The following SLC24A3 variants were observed in gnomAD, a reference collection of about 807,000 sequenced individuals.
The protein encoded by SLC24A3 is solute carrier family 24 member 3.
SLC24A3 carries 28 observed loss-of-function variants against 75.8 expected under a neutral mutation model. The ratio of observed to expected loss-of-function variants is 0.37; its 90% CI spans 0.27 to 0.51. The LOEUF (loss-of-function observed/expected upper bound fraction) is 0.51, where lower values mean the gene tolerates loss of function less well. Ranked by LOEUF, SLC24A3 falls within the 20% of genes least tolerant of loss-of-function variation. The probability of loss-of-function intolerance (pLI) is 0.94; values close to 1 mark genes in which losing one functional copy is unlikely to be tolerated. For synonymous variants in SLC24A3, 372 were observed against 334.1 expected (o/e 1.11, Z -1.24); for missense variants, 663 against 847.8 (o/e 0.78, Z 2.71).
At chr20:19,715,459 C>T (rs2033034949) in intron 15 of SLC24A3, among the ~76,000 whole-genome samples, 1 of 152,136 alleles carries the variant, frequency 6.6e-6, no homozygotes, top group South Asian at 2.1e-4. Context: ...TTCCTTTATT[C>T]TCGGGAAGGC....
intron 3 of SLC24A3, among the ~76,000 whole-genome samples, chr20:19,564,614 A>T (rs537629385): frequency 3.9e-5 from 6 of 152,152 alleles, no homozygotes; most frequent in African/African-American, 1.4e-4. Context: ...TTATACATCC[A>T]AGTAGCATGG....
chr20:19,619,269 TC>T (rs2031774986), intron 6 of SLC24A3, among the ~76,000 whole-genome samples: 1 of 152,106 alleles, frequency 6.6e-6, no homozygotes, highest in Non-Finnish European at 1.5e-5. Context: ...GGGACATTGA[TC>T]TTTGGAGCTG....
chr20:19,663,274 T>C (rs2032350943), intron 7 of SLC24A3, among the ~76,000 whole-genome samples: 1 of 151,368 alleles, frequency 6.6e-6, no homozygotes, highest in African/African-American at 2.4e-5. Context: ...GTCCCTTTTG[T>C]TCATTTCATT....
At chr20:19,656,387 C>A (rs895741752) in intron 7 of SLC24A3, among the ~76,000 whole-genome samples, 3 of 151,788 alleles carry the variant, frequency 2.0e-5, no homozygotes, top group African/African-American at 7.3e-5. Flanking sequence ...CAGAGAGGTT[C>A]ATGCTGGAAC....
At chr20:19,623,558 T>C (rs1246906142) in intron 6 of SLC24A3, among the ~76,000 whole-genome samples, 1 of 152,212 alleles carries the variant, frequency 6.6e-6, no homozygotes, top group Non-Finnish European at 1.5e-5. Flanking sequence ...TAGCCACATA[T>C]GGCCACCCAA....
chr20:19,564,823 G>A (rs1279460422), intron 3 of SLC24A3, among the ~76,000 whole-genome samples: 1 of 152,212 alleles, frequency 6.6e-6, no homozygotes, highest in African/African-American at 2.4e-5. Flanking sequence ...CTTCTCAGAT[G>A]TTATGTAGGT....
At chr20:19,669,024 T>C (rs937189221) in intron 8 of SLC24A3, among the ~76,000 whole-genome samples, 1 of 152,192 alleles carries the variant, frequency 6.6e-6, no homozygotes, top group Non-Finnish European at 1.5e-5. Context: ...GAGATTAGAA[T>C]GACCACTTTA....
chr20:19,310,437 TG>T (rs1984432571), intron 2 of SLC24A3, among the ~76,000 whole-genome samples: 1 of 152,202 alleles, frequency 6.6e-6, no homozygotes, highest in Non-Finnish European at 1.5e-5. Flanking sequence ...TTAAACCTGG[TG>T]TATGAAATAA....
Position 19,388,217 on chromosome 20 carries a change from G to A in SLC24A3, c.271+107130G>A, listed in dbSNP as rs575466226. Among the ~76,000 whole-genome samples the A allele has an allele frequency of 5.9e-5, 9 of 152,176 alleles. No homozygotes were observed. The South Asian group carries it at 1.9e-3, about 32-fold the overall frequency. On this transcript the variant is annotated intron_variant, in intron 2 of 16. Transcript: ENST00000328041. ...ATTTTTTCTAACTATCCCTACTATT[G>A]TATTGCTTTCTATTTCTCCATTTAC...
chr20:19,668,834 G>C (rs1315767439), intron 8 of SLC24A3, among the ~76,000 whole-genome samples: 1 of 152,130 alleles, frequency 6.6e-6, no homozygotes. Context: ...TGGTGCTGTG[G>C]CTCTGCATTT....
At chr20:19,470,010 C>T (rs1987840925) in intron 2 of SLC24A3, among the ~76,000 whole-genome samples, 8 of 152,164 alleles carry the variant, frequency 5.3e-5, no homozygotes, top group Admixed American at 4.6e-4. Flanking sequence ...GCCAGGGACC[C>T]TTGCTTGAGA....
At chr20:19,615,606 A>G (rs1028469667) in intron 6 of SLC24A3, among the ~76,000 whole-genome samples, 3 of 152,164 alleles carry the variant, frequency 2.0e-5, no homozygotes, top group Admixed American at 1.3e-4. Context: ...ACAGCACCAA[A>G]CGGATGATGC....
chr20:19,478,292 G>T lies in SLC24A3; in HGVS notation c.272-37196G>T, dbSNP rs910134708. Among the ~76,000 whole-genome samples, 35 of 152,148 alleles carry T rather than the reference G, an allele frequency of 2.3e-4. 1 individual carries two copies. The highest frequency in any genetic ancestry group is 2.4e-5 in the African/African-American group (1 of 41,428). Reference sequence around the variant, plus strand: ...TCCCATAACAACTGATGGATCTTTAGGGCTCTATTTTTATTTCAGAAGTGG... The same window carrying T: ...TCCCATAACAACTGATGGATCTTTATGGCTCTATTTTTATTTCAGAAGTGG... On this transcript the variant is annotated intron_variant, in intron 2 of 16. Coordinates refer to ENST00000328041, the MANE Select transcript of SLC24A3 (RefSeq NM_020689.4).
chr20:19,524,520 C>T (rs770765610), intron 3 of SLC24A3, among the ~76,000 whole-genome samples: 1 of 152,162 alleles, frequency 6.6e-6, no homozygotes. Flanking sequence ...TGTGTTTTAG[C>T]TCATCCCTGC....
chr20:19,566,653 T>C (rs1241475758), intron 3 of SLC24A3, among the ~76,000 whole-genome samples: 1 of 152,230 alleles, frequency 6.6e-6, no homozygotes, highest in African/African-American at 2.4e-5. Context: ...CATTCCTTAT[T>C]CTACAAGAGA....
At chr20:19,407,738 G>T (rs1227460745) in intron 2 of SLC24A3, among the ~76,000 whole-genome samples, 1 of 152,124 alleles carries the variant, frequency 6.6e-6, no homozygotes, top group African/African-American at 2.4e-5. Flanking sequence ...CCACCATATT[G>T]ATGTCTGAAT....
At chr20:19,533,587 G>A (rs1169977930) in intron 3 of SLC24A3, among the ~76,000 whole-genome samples, 2 of 152,196 alleles carry the variant, frequency 1.3e-5, no homozygotes, top group South Asian at 2.1e-4. Flanking sequence ...GAGGCAGAGG[G>A]GAGAGAGAAC....
intron 1 of SLC24A3, among the ~76,000 whole-genome samples, chr20:19,276,016 T>C (rs1181456959): frequency 6.6e-6 from 1 of 152,196 alleles, no homozygotes; most frequent in Non-Finnish European, 1.5e-5. Flanking sequence ...TTTGTTGACA[T>C]TGCTCAAGTA....
chr20:19,369,656 C>G (rs552117782), intron 2 of SLC24A3, among the ~76,000 whole-genome samples: 10 of 152,182 alleles, frequency 6.6e-5, no homozygotes, highest in African/African-American at 2.4e-4. Flanking sequence ...AGAAAATACA[C>G]TAAAATACTT....
Sources: gnomAD v4.1 joint callset for allele counts (sites outside exome capture counted in the v4.1 genomes callset) on GRCh38, gnomAD v4.1.1 for gene constraint, MANE v1.5 for transcripts, NCBI Gene and HGNC (gene_info 2026-07-23, HGNC 2026-07-21) for gene names.